The following DOCK2 variants were observed in gnomAD, a reference collection of about 807,000 sequenced individuals.
The protein encoded by DOCK2 is dedicator of cytokinesis 2.
In DOCK2, 87 loss-of-function variants were observed where a neutral mutation model predicts 248.9. The observed-to-expected ratio is 0.35, with a 90% CI of 0.29 to 0.42. The LOEUF (loss-of-function observed/expected upper bound fraction) is 0.42, where lower values mean the gene tolerates loss of function less well. Ranked by LOEUF, DOCK2 falls within the 10% of genes least tolerant of loss-of-function variation. The pLI is 1.00. For synonymous variants in DOCK2, 805 were observed against 821.6 expected (o/e 0.98, Z 0.35); for missense variants, 1,747 against 2,300.2 (o/e 0.76, Z 4.92).
intron 9 of DOCK2, among the ~76,000 whole-genome samples, chr5:169,692,253 G>T (rs1005913590): frequency 1.4e-4 from 21 of 152,204 alleles, no homozygotes; most frequent in Non-Finnish European, 2.8e-4. Context: ...TTTTGGGGTG[G>T]TTGCTAACAC....
intron 26 of DOCK2, among the ~76,000 whole-genome samples, chr5:169,823,459 G>T (rs1455036668): frequency 6.6e-6 from 1 of 152,066 alleles, no homozygotes; most frequent in Non-Finnish European, 1.5e-5. Flanking sequence ...TGCAAGGCTG[G>T]TTCAATATAC....
At chr5:170,005,138 A>G (rs905352537) in intron 30 of DOCK2, among the ~76,000 whole-genome samples, 1 of 152,186 alleles carries the variant, frequency 6.6e-6, no homozygotes, top group African/African-American at 2.4e-5. Context: ...TACACTAAGT[A>G]TAAGAAATCA....
At chr5:170,021,053 T>A (rs1222023725) in intron 33 of DOCK2, among the ~76,000 whole-genome samples, 1 of 152,222 alleles carries the variant, frequency 6.6e-6, no homozygotes, top group Non-Finnish European at 1.5e-5. Context: ...AAGAGACTAG[T>A]TTGCTATGAT....
intron 25 of DOCK2, among the ~76,000 whole-genome samples, chr5:169,771,738 A>G (rs1048480490): frequency 1.3e-5 from 2 of 152,210 alleles, no homozygotes; most frequent in Admixed American, 6.5e-5. Flanking sequence ...CATGAGCAAA[A>G]GTTCTTAATT....
intron 27 of DOCK2, among the ~76,000 whole-genome samples, chr5:169,915,933 C>G (rs1013665296): frequency 9.8e-5 from 15 of 152,294 alleles, no homozygotes; most frequent in African/African-American, 2.9e-4. Flanking sequence ...GAAAATCCTA[C>G]TCTTAAGAAA....
chr5:170,027,628 C>T (rs1011654137), intron 33 of DOCK2, among the ~76,000 whole-genome samples: 1 of 152,192 alleles, frequency 6.6e-6, no homozygotes, highest in Non-Finnish European at 1.5e-5. Context: ...CGCGCTCTCT[C>T]GCACGTGCTC....
intron 27 of DOCK2, among the ~76,000 whole-genome samples, chr5:169,863,717 C>A (rs562496621): frequency 1.3e-5 from 2 of 152,238 alleles, no homozygotes; most frequent in African/African-American, 4.8e-5. Flanking sequence ...GAAAACAACC[C>A]AACACACCAG....
intron 2 of DOCK2, among the ~76,000 whole-genome samples, chr5:169,656,556 GT>G (rs1758132095): frequency 6.6e-6 from 1 of 152,050 alleles, no homozygotes; most frequent in African/African-American, 2.4e-5. Flanking sequence ...TAGGTGATTC[GT>G]GCACCTCGGC....
chr5:169,678,920 A>G (rs1321576130), intron 6 of DOCK2, among the ~76,000 whole-genome samples: 4 of 152,188 alleles, frequency 2.6e-5, no homozygotes, highest in Admixed American at 6.5e-5. Flanking sequence ...ATTAGGTGAA[A>G]TGGAGAAGAG....
At position 169,681,724 on chromosome 5, in the gene DOCK2, C is replaced by T. The variant is rs548997496; in HGVS notation, c.471-20C>T. The T allele has an allele frequency of 6.2e-7, 1 of 1,611,398 alleles. No homozygotes were observed. The highest frequency in any genetic ancestry group is 1.7e-5 in the Admixed American group (1 of 59,672). On this transcript the variant is annotated intron_variant, in intron 6 of 51. Coordinates refer to ENST00000520908, the MANE Select transcript of DOCK2 (RefSeq NM_004946.3). The stretch of plus-strand genomic sequence containing the variant: ...AAGTTCTCCCCTGATTTGTCTTCAC[C>T]TCCAGTTTTTGCTTTACAGAATCCT...
intron 38 of DOCK2, among the ~76,000 whole-genome samples, chr5:170,042,459 G>T (rs1417560265): frequency 6.6e-6 from 1 of 152,158 alleles, no homozygotes; most frequent in Non-Finnish European, 1.5e-5. Context: ...TTTCTCAATG[G>T]CTCTCCCAAT....
At chr5:170,071,438 T>C (rs1164602900) in intron 46 of DOCK2, among the ~76,000 whole-genome samples, 1 of 152,260 alleles carries the variant, frequency 6.6e-6, no homozygotes, top group Non-Finnish European at 1.5e-5. Context: ...ACCGAACAAA[T>C]GCTGAAGCCT....
At chr5:169,868,788 A>G (rs985378218) in intron 27 of DOCK2, among the ~76,000 whole-genome samples, 1 of 152,170 alleles carries the variant, frequency 6.6e-6, no homozygotes, top group Non-Finnish European at 1.5e-5. Context: ...AATGCTCTGG[A>G]TGATTCTAGA....
intron 26 of DOCK2, among the ~76,000 whole-genome samples, chr5:169,806,948 A>G (rs1268042062): frequency 6.7e-6 from 1 of 148,922 alleles, no homozygotes; most frequent in Non-Finnish European, 1.5e-5. Flanking sequence ...TGCCCCACGT[A>G]TCCTCATTCT....
At chr5:169,841,203 C>A (rs1181716692) in intron 27 of DOCK2, among the ~76,000 whole-genome samples, 2 of 152,170 alleles carry the variant, frequency 1.3e-5, no homozygotes, top group Non-Finnish European at 2.9e-5. Context: ...CTCTGGCCTA[C>A]AGTCACATGG....
At chr5:169,926,068 T>C (rs1402181395) in intron 27 of DOCK2, among the ~76,000 whole-genome samples, 2 of 152,172 alleles carry the variant, frequency 1.3e-5, no homozygotes, top group Non-Finnish European at 2.9e-5. Flanking sequence ...GAGCTGAGCT[T>C]AGAAAAGAGA....
At chr5:169,949,790 G>A (rs900633000) in intron 27 of DOCK2, among the ~76,000 whole-genome samples, 1 of 148,172 alleles carries the variant, frequency 6.7e-6, no homozygotes, top group Non-Finnish European at 1.5e-5. Context: ...AGCCAACTGA[G>A]AAGGTTGTCA....
chr5:169,650,565 T>C (rs1757747380), intron 1 of DOCK2, among the ~76,000 whole-genome samples: 1 of 152,182 alleles, frequency 6.6e-6, no homozygotes, highest in Non-Finnish European at 1.5e-5. Context: ...AGTACTTCAA[T>C]ATGTTTAGGT....
intron 27 of DOCK2, among the ~76,000 whole-genome samples, chr5:169,968,983 T>C (rs1777401571): frequency 6.6e-6 from 1 of 152,192 alleles, no homozygotes; most frequent in Non-Finnish European, 1.5e-5. Flanking sequence ...ACCATGCCTC[T>C]ACAAAAAATT....
Sources: allele counts gnomAD v4.1 joint callset (sites outside exome capture counted in the v4.1 genomes callset), GRCh38; gene constraint gnomAD v4.1.1; transcripts MANE v1.5; gene names NCBI Gene and HGNC (gene_info 2026-07-23, HGNC 2026-07-21).